The following TARS3 variants were observed in gnomAD, a reference collection of about 807,000 sequenced individuals.
The protein encoded by TARS3 is threonine--tRNA ligase 2, cytoplasmic.
Under a neutral mutation model 103.5 loss-of-function variants are expected in TARS3, and 94 were observed. The observed-to-expected ratio is 0.91, with a 90% CI of 0.77 to 1.08. The LOEUF (loss-of-function observed/expected upper bound fraction) is 1.08. Ranked by LOEUF, TARS3 falls within the 50% of genes least tolerant of loss-of-function variation. The probability of loss-of-function intolerance (pLI) is 0.00; values close to 1 mark genes in which losing one functional copy is unlikely to be tolerated. For synonymous variants in TARS3, 416 were observed against 355.4 expected, an observed-to-expected ratio of 1.17 and a Z score of -1.92; for missense variants, 952 against 995.2, an observed-to-expected ratio of 0.96 and a Z score of 0.58.
At chr15:101,654,802 G>A (rs1335889823) in intron 18 of TARS3, 72 bp from the exon 19 acceptor site, 30 of 1,430,620 alleles carry the variant, frequency 2.1e-5, no homozygotes, top group Non-Finnish European at 2.7e-5. Flanking sequence ...GCAGTCCCAT[G>A]ACATGTTTTT....
rs188601626 is a variant in TARS3, at chr15:101,668,197, C to T, written c.1967+3289G>A. 4.2e-3 allele frequency among the ~76,000 whole-genome samples: 640 copies of T among 152,312 alleles called. 1 individual carries two copies. Among genetic ancestry groups the T allele is most frequent in the Non-Finnish European group, 7.1e-3 (481 of 68,032 alleles). On this transcript the variant is annotated intron_variant, in intron 15 of 18. Coordinates refer to ENST00000335968, the MANE Select transcript of TARS3 (RefSeq NM_152334.3). ...CCTATCTGGGCTTTCAACAGTCCTT[C>T]CTCACCAAGCTTAATCATTTCTAGC...
At chr15:101,676,797 A>C (rs1898044841) in intron 12 of TARS3, among the ~76,000 whole-genome samples, 1 of 146,098 alleles carries the variant, frequency 6.8e-6, no homozygotes. Context: ...ATGAGCCACT[A>C]CACCCTTTTT....
At chr15:101,672,676 C>T (rs1010958748) in intron 13 of TARS3, among the ~76,000 whole-genome samples, 6 of 152,218 alleles carry the variant, frequency 3.9e-5, no homozygotes, top group East Asian at 1.9e-4. Flanking sequence ...TTGAGAGAGA[C>T]GGAGATTTTT....
intron 15 of TARS3, 50 bp from the exon 16 acceptor site, chr15:101,661,866 T>C (rs765862182): frequency 8.8e-7 from 1 of 1,141,860 alleles, no homozygotes; most frequent in South Asian, 1.6e-5. Context: ...ATTCAATAAC[T>C]ATCTTCTAGC....
chr15:101,720,555 C>G (rs911077233), intron 3 of TARS3, among the ~76,000 whole-genome samples: 1 of 151,938 alleles, frequency 6.6e-6, no homozygotes, highest in African/African-American at 2.4e-5. Flanking sequence ...TTTATTAGAA[C>G]AGGAAATGAT....
At chr15:101,665,242 C>A (rs1375456471) in intron 15 of TARS3, among the ~76,000 whole-genome samples, 3 of 152,174 alleles carry the variant, frequency 2.0e-5, no homozygotes, top group Non-Finnish European at 4.4e-5. Flanking sequence ...CAAACCGCCA[C>A]AACATAGACT....
Position 101,683,965 on chromosome 15 carries a change from GAGACT to G in TARS3, c.1650+105_1650+109del, listed in dbSNP as rs1213184932. The G allele has an allele frequency of 1.1e-5, 12 of 1,094,848 alleles. No individual in the cohort carries two copies. In the African/African-American group the frequency reaches 1.3e-4, roughly 12 times the overall value. The allele number at this position is 1,094,848 out of a possible 1,614,324, so 67.8% of individuals were successfully genotyped here. A position where few individuals can be genotyped will look rare whatever the true frequency, so the allele number is the denominator to read the frequency against. ...GCAGGTTAGAGCTGAATGAATCTCA[GAGACT>G]AGACCAAACGTCTATGTTTCAGTAA... On this transcript the variant is annotated intron_variant, in intron 12 of 18. Coordinates refer to ENST00000335968, the MANE Select transcript of TARS3 (RefSeq NM_152334.3).
rs1232027967 is a variant in TARS3, at chr15:101,675,678, G to A, written c.1710C>T (p.Gly570=). The A allele has an allele frequency of 6.2e-7, 1 of 1,613,924 alleles. No individual in the cohort carries two copies. Among genetic ancestry groups the A allele is most frequent in the Non-Finnish European group, 8.5e-7 (1 of 1,179,980 alleles). Residue 570 remains glycine, a synonymous_variant, in exon 13 of 19, where the codon GGC becomes GGT. Transcript: ENST00000335968. ...TTGACAGGTTTAATTGAAAGGAGAA[G>A]CCAAATGTTGAGTAAACAGATTGCA... ...QFLQSVYSTF[G]FSFQLNLSTR...
At chr15:101,720,624 A>G (rs1430236497) in intron 3 of TARS3, among the ~76,000 whole-genome samples, 1 of 152,190 alleles carries the variant, frequency 6.6e-6, no homozygotes, top group East Asian at 1.9e-4. Flanking sequence ...GAGGAAAAAA[A>G]TTAAATACAT....
intron 16 of TARS3, among the ~76,000 whole-genome samples, chr15:101,660,587 A>G (rs979273370): frequency 1.2e-4 from 18 of 152,252 alleles, no homozygotes; most frequent in African/African-American, 4.3e-4. Context: ...AGTGAGAATG[A>G]GGCATTGCTC....
chr15:101,703,834 G>A (rs1324498383), intron 8 of TARS3, 25 bp downstream of exon 8: 6 of 1,495,040 alleles, frequency 4.0e-6, no homozygotes, highest in Non-Finnish European at 5.6e-6. Context: ...TAAGTTTACT[G>A]TATTAAAAAA....
At chr15:101,710,241 A>G (rs1899793079) in intron 5 of TARS3, among the ~76,000 whole-genome samples, 1 of 152,158 alleles carries the variant, frequency 6.6e-6, no homozygotes, top group Admixed American at 6.5e-5. Context: ...TCCCTCCCAC[A>G]TACCTCACCA....
chr15:101,693,444 C>T (rs77144212), intron 10 of TARS3, among the ~76,000 whole-genome samples: 3,370 of 152,198 alleles, frequency 0.022, 126 homozygotes, highest in African/African-American at 0.077. Context: ...CAATTATCTC[C>T]GCCTGGCCCC....
At chr15:101,688,329 T>C (rs547619110) in intron 10 of TARS3, among the ~76,000 whole-genome samples, 1 of 152,306 alleles carries the variant, frequency 6.6e-6, no homozygotes, top group South Asian at 2.1e-4. Context: ...ATATGTCTCA[T>C]GCCATGCCAT....
chr15:101,700,001 T>C (rs994134136), intron 10 of TARS3, among the ~76,000 whole-genome samples: 2 of 152,012 alleles, frequency 1.3e-5, no homozygotes, highest in South Asian at 2.1e-4. Context: ...AGAATCTTAG[T>C]AGCAAGTTAA....
At chr15:101,722,509 A>C (rs1411517507) in intron 2 of TARS3, among the ~76,000 whole-genome samples, 2 of 142,454 alleles carry the variant, frequency 1.4e-5, no homozygotes, top group African/African-American at 5.2e-5. Context: ...TTTCTCGAAT[A>C]CAAAAAAAAA....
At chr15:101,701,316 C>G in intron 9 of TARS3, 132 bp from the exon 10 acceptor site, 2 of 505,040 alleles carry the variant, frequency 4.0e-6, no homozygotes. Flanking sequence ...ACACTTATAC[C>G]TAAATGCATG....
At position 101,703,476 on chromosome 15, in the gene TARS3, G is replaced by A. The variant is rs1298708377; in HGVS notation, c.1074+383C>T. On this transcript the variant is annotated intron_variant, in intron 8 of 18. Transcript: ENST00000335968. ...GGGGTGGTGCAGGCCTGTAATCACA[G>A]CTCCTCAGGAGGCTGGGGCAGGAGA... Among the ~76,000 whole-genome samples the A allele has an allele frequency of 2.6e-5, 4 of 152,230 alleles. No homozygotes were observed. The South Asian group carries it at 6.2e-4, about 24-fold the overall frequency.
At chr15:101,673,311 C>T (rs1402700018) in intron 13 of TARS3, among the ~76,000 whole-genome samples, 1 of 152,228 alleles carries the variant, frequency 6.6e-6, no homozygotes, top group Non-Finnish European at 1.5e-5. Flanking sequence ...CCTGGTCCAT[C>T]CCCTTTTCAG....
Sources: gnomAD v4.1 joint callset for allele counts (sites outside exome capture counted in the v4.1 genomes callset) on GRCh38, gnomAD v4.1.1 for gene constraint, MANE v1.5 for transcripts, NCBI Gene and HGNC (gene_info 2026-07-23, HGNC 2026-07-21) for gene names.